ODAD2: variants seen among roughly 807,000 people sequenced by gnomAD.
ODAD2 encodes the protein outer dynein arm docking complex subunit 2.
A neutral mutation model predicts 106.8 loss-of-function variants in ODAD2; 89 were observed. That is an observed-to-expected ratio of 0.83 (90% CI 0.70 to 0.99). The LOEUF is 0.99. Among genes scored for constraint, ODAD2 ranks in the 50% least tolerant of loss-of-function variants. The probability of loss-of-function intolerance (pLI) is 0.00; values close to 1 mark genes in which losing one functional copy is unlikely to be tolerated. For missense variants in ODAD2, 1,168 were observed against 1,238.5 expected, an observed-to-expected ratio of 0.94 and a Z score of 0.85; for synonymous variants, 404 against 436.2, an observed-to-expected ratio of 0.93 and a Z score of 0.92.
intron 17 of ODAD2, among the ~76,000 whole-genome samples, chr10:27,895,436 C>A (rs921167005): frequency 3.9e-5 from 6 of 152,102 alleles, no homozygotes; most frequent in Non-Finnish European, 7.4e-5. Context: ...TACAGGCATG[C>A]GCCACCAAGC....
chr10:27,815,752 T>A (rs1836081590), intron 19 of ODAD2, among the ~76,000 whole-genome samples: 1 of 152,150 alleles, frequency 6.6e-6, no homozygotes, highest in South Asian at 2.1e-4. Context: ...TTCATTCTGT[T>A]CCCCCTCCCT....
At chr10:27,920,209 GT>G (rs1844674619) in intron 16 of ODAD2, among the ~76,000 whole-genome samples, 1 of 152,096 alleles carries the variant, frequency 6.6e-6, no homozygotes, top group East Asian at 1.9e-4. Context: ...TTGGATGGCA[GT>G]TACATAAGTG....
chr10:27,956,181 T>C (rs1307586178), intron 10 of ODAD2, among the ~76,000 whole-genome samples: 3 of 152,212 alleles, frequency 2.0e-5, no homozygotes, highest in Non-Finnish European at 4.4e-5. Context: ...ATGGCCATCC[T>C]TTCTACCAAT....
chr10:27,935,062 C>A lies in ODAD2; in HGVS notation c.2443G>T (p.Val815Leu). 1 of 1,613,956 alleles carries A rather than the reference C, an allele frequency of 6.2e-7. No individual in the cohort carries two copies. Residue 815 changes from valine to leucine, a missense_variant, in exon 16 of 20, where the codon GTG becomes TTG. Val to Leu is a conservative substitution (Grantham distance 32, BLOSUM62 1). This residue lies in a region of ODAD2 where 701 missense variants were observed against 712.3 expected (regional missense o/e 0.98). Coordinates refer to ENST00000305242, the MANE Select transcript of ODAD2 (RefSeq NM_018076.5). ...GCACCAACTGCTTTTGTAACATTCA[C>A]AAGAAGAGCTTGGTTTATTCCAACA... ...LLVGINQALLVNVTKAVGACA... is the reference protein window; with the variant it reads ...LLVGINQALLLNVTKAVGACA...
At chr10:27,918,765 T>C (rs970048168) in intron 16 of ODAD2, among the ~76,000 whole-genome samples, 1 of 151,836 alleles carries the variant, frequency 6.6e-6, no homozygotes, top group Non-Finnish European at 1.5e-5. Context: ...ATTTGCAGAT[T>C]ATGTATTTCT....
At chr10:27,893,010 A>G (rs1388450053) in intron 17 of ODAD2, among the ~76,000 whole-genome samples, 4 of 152,020 alleles carry the variant, frequency 2.6e-5, no homozygotes, top group Admixed American at 1.3e-4. Context: ...TTAGCCAGGC[A>G]TGGGGCTGCA....
intron 19 of ODAD2, among the ~76,000 whole-genome samples, chr10:27,818,660 A>T (rs1836341623): frequency 6.6e-6 from 1 of 152,218 alleles, no homozygotes; most frequent in East Asian, 1.9e-4. Flanking sequence ...TTTAGGTAAT[A>T]GGAGGAGAAT....
chr10:27,841,132 C>G (rs1186412747), intron 19 of ODAD2, among the ~76,000 whole-genome samples: 1 of 152,066 alleles, frequency 6.6e-6, no homozygotes, highest in Non-Finnish European at 1.5e-5. Context: ...GCCTAATATT[C>G]TAATATTGGA....
intron 8 of ODAD2, among the ~76,000 whole-genome samples, chr10:27,970,152 C>G (rs1207687537): frequency 7.2e-6 from 1 of 138,428 alleles, no homozygotes; most frequent in African/African-American, 2.6e-5. Flanking sequence ...AAATAAATCT[C>G]TAGGTATTTC....
intron 2 of ODAD2, among the ~76,000 whole-genome samples, chr10:27,990,745 C>T (rs950613715): frequency 6.6e-6 from 1 of 152,080 alleles, no homozygotes; most frequent in African/African-American, 2.4e-5. Context: ...AAGCTAAGGT[C>T]CAGAAAGGTA....
intron 10 of ODAD2, among the ~76,000 whole-genome samples, chr10:27,947,989 C>A (rs764074122): frequency 6.6e-6 from 1 of 152,230 alleles, no homozygotes; most frequent in Non-Finnish European, 1.5e-5. Flanking sequence ...CTCTTCTAGA[C>A]AACTTCCACA....
At chr10:27,994,532 C>G (rs1243527768) in intron 2 of ODAD2, among the ~76,000 whole-genome samples, 1 of 151,980 alleles carries the variant, frequency 6.6e-6, no homozygotes, top group Non-Finnish European at 1.5e-5. Flanking sequence ...GAATTTGAGA[C>G]CACCCTGGGC....
intron 16 of ODAD2, among the ~76,000 whole-genome samples, chr10:27,924,914 T>C (rs1300770172): frequency 4.6e-5 from 7 of 150,574 alleles, no homozygotes; most frequent in African/African-American, 1.7e-4. Context: ...TATAATTGCA[T>C]AGGAGACTTC....
At chr10:27,874,989 C>T (rs1463209017) in intron 17 of ODAD2, among the ~76,000 whole-genome samples, 6 of 152,208 alleles carry the variant, frequency 3.9e-5, no homozygotes, top group South Asian at 2.1e-4. Context: ...CTTCCAGGTA[C>T]ACCAATCAGA....
intron 17 of ODAD2, among the ~76,000 whole-genome samples, chr10:27,868,873 A>G (rs1840649667): frequency 6.6e-6 from 1 of 151,824 alleles, no homozygotes; most frequent in Admixed American, 6.6e-5. Context: ...ATAAAATAAA[A>G]TTTTCCTGTA....
chr10:27,912,154 AT>A (rs1844057973), intron 16 of ODAD2, among the ~76,000 whole-genome samples: 1 of 152,120 alleles, frequency 6.6e-6, no homozygotes, highest in Admixed American at 6.5e-5. Flanking sequence ...ACCACTCTCC[AT>A]TTTCAACAGG....
intron 19 of ODAD2, among the ~76,000 whole-genome samples, chr10:27,858,500 A>G (rs576061009): frequency 2.0e-5 from 3 of 152,318 alleles, no homozygotes; most frequent in Non-Finnish European, 4.4e-5. Flanking sequence ...AAGAAACCCA[A>G]GGATAATCTG....
intron 12 of ODAD2, among the ~76,000 whole-genome samples, chr10:27,942,786 A>G (rs1199179773): frequency 6.6e-6 from 1 of 152,216 alleles, no homozygotes; most frequent in Non-Finnish European, 1.5e-5. Flanking sequence ...GGAGTCTCTA[A>G]TTAACATTCT....
chr10:27,902,185 A>C (rs1223107860), intron 17 of ODAD2, among the ~76,000 whole-genome samples: 1 of 152,222 alleles, frequency 6.6e-6, no homozygotes. Context: ...TGGAAACTGA[A>C]CAACCTGCTC....
Sources: gnomAD v4.1 joint callset for allele counts (sites outside exome capture counted in the v4.1 genomes callset) on GRCh38, gnomAD v4.1.1 for gene constraint, gnomAD v4.1.1 regional missense constraint, MANE v1.5 for transcripts, NCBI Gene and HGNC (gene_info 2026-07-23, HGNC 2026-07-21) for gene names.